Variants in TECRL observed in about 807,000 individuals in gnomAD.
The protein encoded by TECRL is trans-2,3-enoyl-CoA reductase-like.
TECRL carries 63 observed loss-of-function variants against 52.8 expected under a neutral mutation model. The ratio of observed to expected loss-of-function variants is 1.19; its 90% confidence interval spans 0.97 to 1.47. The LOEUF is 1.47. Among genes scored for constraint, TECRL ranks in the 40% most tolerant of loss-of-function variants. The probability of loss-of-function intolerance (pLI) is 0.00; values close to 1 mark genes in which losing one functional copy is unlikely to be tolerated. For missense variants in TECRL, 482 were observed against 429.6 expected, an observed-to-expected ratio of 1.12 and a Z score of -1.08; for synonymous variants, 164 against 141.9, an observed-to-expected ratio of 1.16 and a Z score of -1.10.
At chr4:64,303,047 A>T (rs1724111997) in intron 7 of TECRL, among the ~76,000 whole-genome samples, 1 of 151,434 alleles carries the variant, frequency 6.6e-6, no homozygotes, top group African/African-American at 2.4e-5. Flanking sequence ...AGTTTGTGCT[A>T]TTTGTGCTTT....
rs778106391 is a variant in TECRL at position 64,322,677 on chromosome 4, A to G, written c.435+12T>C. On this transcript the variant is annotated intron_variant, in intron 4 of 11. Coordinates refer to ENST00000381210, the MANE Select transcript of TECRL (RefSeq NM_001010874.5). ...ATGAGAAATGTATATTACATTTCAA[A>G]TTAACACTTACTGTGGTCCAACTGA... 14 of 1,559,776 alleles carry G rather than the reference A, an allele frequency of 9.0e-6. No homozygotes were observed. The Admixed American group carries it at 1.9e-4, about 21-fold the overall frequency.
At position 64,278,832 on chromosome 4, in the gene TECRL, G is replaced by T. The variant is rs1296280357; in HGVS notation, c.*1240C>A. 1 of 151,932 alleles carries T rather than the reference G, an allele frequency of 6.6e-6. No homozygotes were observed. The highest frequency in any genetic ancestry group is 2.4e-5 in the African/African-American group (1 of 41,358). The allele number at this position is 151,932 out of a possible 1,614,324, so 9.4% of individuals were successfully genotyped here. On this transcript the variant is annotated 3_prime_UTR_variant, in exon 12 of 12. Coordinates refer to ENST00000381210, the MANE Select transcript of TECRL (RefSeq NM_001010874.5). ...TACTTCTATGATATCAATTTTTTTA[G>T]CTTCCACATATAAGTAATAACATGC...
At chr4:64,307,906 C>T (rs777683322) in intron 6 of TECRL, among the ~76,000 whole-genome samples, 4 of 152,070 alleles carry the variant, frequency 2.6e-5, no homozygotes, top group Non-Finnish European at 4.4e-5. Context: ...GTTGAATGAC[C>T]TAAATAGGCT....
rs1723644077 is a variant in TECRL at position 64,295,746 on chromosome 4, A to G, written c.774+4228T>C. 3.9e-5 allele frequency among the ~76,000 whole-genome samples: 6 copies of G among 151,996 alleles called. No individual in the cohort carries two copies. In the South Asian group the frequency reaches 1.0e-3, roughly 26 times the overall value. ...TTATAATCACTGCTGATTTTGATTT[A>G]AATCATTACTCTTATATTTCTGCAG... On this transcript the variant is annotated intron_variant, in intron 8 of 11. Transcript: ENST00000381210.
At chr4:64,394,198 A>G (rs1723754676) in intron 1 of TECRL, among the ~76,000 whole-genome samples, 2 of 152,224 alleles carry the variant, frequency 1.3e-5, no homozygotes, top group African/African-American at 2.4e-5. Context: ...CCTGCTATGT[A>G]TAGTGACTGT....
chr4:64,299,876 A>G (rs2109973084), intron 8 of TECRL, 98 bp downstream of exon 8: 1 of 503,054 alleles, frequency 2.0e-6, no homozygotes, highest in East Asian at 3.5e-5. Context: ...ATAAATATAT[A>G]TCATATTTTC....
At chr4:64,360,866 C>T (rs1470682296) in intron 2 of TECRL, among the ~76,000 whole-genome samples, 5 of 152,116 alleles carry the variant, frequency 3.3e-5, no homozygotes, top group Non-Finnish European at 7.4e-5. Context: ...GATAGAACTT[C>T]CTGGGGAATT....
At chr4:64,296,215 C>T (rs899085585) in intron 8 of TECRL, among the ~76,000 whole-genome samples, 2 of 151,762 alleles carry the variant, frequency 1.3e-5, no homozygotes, top group South Asian at 2.1e-4. Flanking sequence ...GTTTCTTGGC[C>T]TTTCTGTGGT....
At chr4:64,398,596 A>G (rs563780151) in intron 1 of TECRL, among the ~76,000 whole-genome samples, 2 of 152,248 alleles carry the variant, frequency 1.3e-5, no homozygotes, top group South Asian at 4.1e-4. Flanking sequence ...TACTTCCTGT[A>G]CGGCCCACAG....
intron 1 of TECRL, among the ~76,000 whole-genome samples, chr4:64,407,484 CATGT>C (rs1249838311): frequency 8.3e-5 from 11 of 133,258 alleles, no homozygotes; most frequent in Admixed American, 2.3e-4. Flanking sequence ...AACTAATTGG[CATGT>C]GTGTGTGTGT....
intron 1 of TECRL, among the ~76,000 whole-genome samples, chr4:64,392,176 G>C (rs1376137757): frequency 1.3e-5 from 2 of 151,768 alleles, no homozygotes; most frequent in African/African-American, 4.8e-5. Flanking sequence ...ATTAAATTAG[G>C]TTAGGTTCTT....
chr4:64,360,104 T>C (rs1721069632), intron 2 of TECRL, among the ~76,000 whole-genome samples: 1 of 152,146 alleles, frequency 6.6e-6, no homozygotes, highest in Admixed American at 6.6e-5. Context: ...CAAAGTATGA[T>C]TTATTCGTAC....
chr4:64,297,311 G>A (rs1320692798), intron 8 of TECRL, among the ~76,000 whole-genome samples: 5 of 151,136 alleles, frequency 3.3e-5, no homozygotes, highest in African/African-American at 1.2e-4. Flanking sequence ...TTCTTACTAG[G>A]TGATAATCTG....
At chr4:64,401,180 A>G (rs763265212) in intron 1 of TECRL, among the ~76,000 whole-genome samples, 1 of 152,220 alleles carries the variant, frequency 6.6e-6, no homozygotes, top group Non-Finnish European at 1.5e-5. Context: ...AGATCTGAAA[A>G]AAAATGATTA....
At chr4:64,389,879 T>C (rs1346702706) in intron 1 of TECRL, among the ~76,000 whole-genome samples, 1 of 151,968 alleles carries the variant, frequency 6.6e-6, no homozygotes, top group Non-Finnish European at 1.5e-5. Context: ...CTATCCCTCC[T>C]CTTTATTAGA....
At chr4:64,318,207 C>T (rs924821879) in intron 4 of TECRL, among the ~76,000 whole-genome samples, 1 of 151,762 alleles carries the variant, frequency 6.6e-6, no homozygotes, top group Non-Finnish European at 1.5e-5. Flanking sequence ...GTGAGCAAAA[C>T]CAAGAGAAAT....
At chr4:64,370,284 G>T (rs1721889098) in intron 2 of TECRL, among the ~76,000 whole-genome samples, 1 of 151,696 alleles carries the variant, frequency 6.6e-6, no homozygotes, top group African/African-American at 2.4e-5. Context: ...CAATTTTTTG[G>T]AGATAAACTT....
At chr4:64,306,028 G>A (rs1244195802) in intron 6 of TECRL, among the ~76,000 whole-genome samples, 2 of 152,198 alleles carry the variant, frequency 1.3e-5, no homozygotes, top group Admixed American at 6.6e-5. Flanking sequence ...ACTAAACTAA[G>A]GAATAAGGAG....
At chr4:64,310,280 T>G (rs1185190901) in intron 5 of TECRL, among the ~76,000 whole-genome samples, 12 of 152,212 alleles carry the variant, frequency 7.9e-5, no homozygotes, top group Non-Finnish European at 1.3e-4. Flanking sequence ...ACAGACAATT[T>G]ACAAGTTTTA....
Sources: gnomAD v4.1 joint callset for allele counts (sites outside exome capture counted in the v4.1 genomes callset) on GRCh38, gnomAD v4.1.1 for gene constraint, MANE v1.5 for transcripts, NCBI Gene and HGNC (gene_info 2026-07-23, HGNC 2026-07-21) for gene names.